The following DCBLD2 variants were observed in gnomAD, a reference collection of about 807,000 sequenced individuals.
DCBLD2 encodes the protein discoidin, CUB and LCCL domain-containing protein 2.
DCBLD2 carries 54 observed loss-of-function variants against 86.8 expected under a neutral mutation model. The ratio of observed to expected loss-of-function variants is 0.62; its 90% CI spans 0.50 to 0.78. The LOEUF is 0.78. Ranked by LOEUF, DCBLD2 falls within the 30% of genes least tolerant of loss-of-function variation. The pLI is 0.00. For synonymous variants in DCBLD2, 354 were observed against 341.3 expected, an observed-to-expected ratio of 1.04 and a Z score of -0.41; for missense variants, 908 against 954.2, an observed-to-expected ratio of 0.95 and a Z score of 0.64.
chr3:98,875,638 A>C (rs950625356), intron 2 of DCBLD2, among the ~76,000 whole-genome samples: 1 of 152,226 alleles, frequency 6.6e-6, no homozygotes, highest in African/African-American at 2.4e-5. Flanking sequence ...AAGCCCTATC[A>C]GGCATTAACA....
At chr3:98,858,481 A>T (rs2107494634) in intron 2 of DCBLD2, among the ~76,000 whole-genome samples, 1 of 152,378 alleles carries the variant, frequency 6.6e-6, no homozygotes, top group Admixed American at 6.5e-5. Context: ...GCACGCTGTC[A>T]CCTCTCATAA....
rs1491493818 is a variant in DCBLD2, at chr3:98,844,032, ATG to A, written c.571+5427_571+5428del. Among the ~76,000 whole-genome samples, 9 of 90,524 alleles carry A rather than the reference ATG, an allele frequency of 9.9e-5. No homozygotes were observed. In the South Asian group the frequency reaches 1.2e-3, roughly 12 times the overall value. 59.4% of individuals were successfully genotyped at this position (90,524 alleles called of 152,430 possible). On this transcript the variant is annotated intron_variant, in intron 3 of 15. Coordinates refer to ENST00000326840, the MANE Select transcript of DCBLD2 (RefSeq NM_080927.4). ...CAGGATCACCACTTTCCAATCATGC[ATG>A]CACACACACACACACACACACACAC...
intron 8 of DCBLD2, 136 bp from the exon 9 acceptor site, chr3:98,818,029 T>C (rs992040191): frequency 9.1e-7 from 1 of 1,101,520 alleles, no homozygotes; most frequent in African/African-American, 1.6e-5. Context: ...CAAGTGCACG[T>C]TTTTGTCATA....
chr3:98,886,820 T>C, intron 1 of DCBLD2, among the ~76,000 whole-genome samples: 1 of 146,490 alleles, frequency 6.8e-6, no homozygotes, highest in South Asian at 2.4e-4. Flanking sequence ...TTTTTTTTTT[T>C]TTTTTACTAC....
intron 9 of DCBLD2, chr3:98,814,679 G>C (rs1017393311): frequency 6.6e-6 from 1 of 152,106 alleles, no homozygotes; most frequent in Non-Finnish European, 1.5e-5. Context: ...ACATGTGCAG[G>C]CTCAGAAAAG....
chr3:98,892,678 T>C (rs1483975481), intron 1 of DCBLD2, among the ~76,000 whole-genome samples: 1 of 152,118 alleles, frequency 6.6e-6, no homozygotes, highest in African/African-American at 2.4e-5. Flanking sequence ...CCTTCCCCTC[T>C]CAATCCTCCC....
chr3:98,839,088 C>A (rs1022179196), intron 3 of DCBLD2, among the ~76,000 whole-genome samples: 1 of 151,554 alleles, frequency 6.6e-6, no homozygotes, highest in African/African-American at 2.4e-5. Context: ...ACCTTACCCC[C>A]AACCCTGTGC....
At chr3:98,825,639 GTATT>G (rs1348211236) in intron 3 of DCBLD2, among the ~76,000 whole-genome samples, 8 of 59,426 alleles carry the variant, frequency 1.3e-4, no homozygotes, top group Admixed American at 6.0e-4. Context: ...ATGTATATGT[GTATT>G]TATATATATA....
At chr3:98,881,421 T>C in intron 2 of DCBLD2, 119 bp downstream of exon 2, 1 of 868,156 alleles carries the variant, frequency 1.2e-6, no homozygotes, top group Non-Finnish European at 1.8e-6. Flanking sequence ...TTTTTACACA[T>C]ATTCAATAAT....
intron 2 of DCBLD2, among the ~76,000 whole-genome samples, chr3:98,878,499 G>A (rs1343020256): frequency 2.0e-5 from 3 of 150,712 alleles, no homozygotes; most frequent in African/African-American, 7.3e-5. Flanking sequence ...GATATAGGGG[G>A]AAAAAAAAAG....
intron 3 of DCBLD2, among the ~76,000 whole-genome samples, chr3:98,839,733 TGGGTG>T (rs1043730656): frequency 3.9e-5 from 6 of 152,124 alleles, no homozygotes; most frequent in African/African-American, 1.2e-4. Flanking sequence ...AGTATACCTC[TGGGTG>T]GGGTGGGGGA....
chr3:98,814,699 G>A (rs1166495274), intron 9 of DCBLD2: 1 of 152,208 alleles, frequency 6.6e-6, no homozygotes, highest in Non-Finnish European at 1.5e-5. Context: ...GGGGTAAAAT[G>A]AATACACCAA....
At chr3:98,816,024 T>A (rs1942016030) in intron 9 of DCBLD2, 1 of 141,698 alleles carries the variant, frequency 7.1e-6, no homozygotes, top group Non-Finnish European at 1.5e-5. Context: ...TCCAAAAACC[T>A]CAAAGAACCC....
chr3:98,862,697 A>G (rs1237032392), intron 2 of DCBLD2, among the ~76,000 whole-genome samples: 2 of 152,214 alleles, frequency 1.3e-5, no homozygotes, highest in East Asian at 3.8e-4. Flanking sequence ...CTCTCAATAA[A>G]TCATGTATTG....
chr3:98,799,624 T>G lies in DCBLD2; in HGVS notation c.2076A>C (p.Ser692=), dbSNP rs768282837. The G allele has an allele frequency of 6.2e-7, 1 of 1,613,982 alleles. No homozygotes were observed. The highest frequency in any genetic ancestry group is 8.5e-7 in the Non-Finnish European group (1 of 1,179,876). ...IMDMSGHPTT[S]VGQPSTSTFK... Reference sequence around the variant, plus strand: ...AAGTGGATGTGGAGGGCTGACCAACTGAAGTTGTGGGGTGCCCTGACATGT... The same window carrying G: ...AAGTGGATGTGGAGGGCTGACCAACGGAAGTTGTGGGGTGCCCTGACATGT... Residue 692 remains serine, a synonymous_variant, in exon 16 of 16, where the codon TCA becomes TCC. Transcript: ENST00000326840.
intron 2 of DCBLD2, among the ~76,000 whole-genome samples, chr3:98,877,321 A>C (rs999975942): frequency 6.6e-6 from 1 of 152,196 alleles, no homozygotes; most frequent in African/African-American, 2.4e-5. Flanking sequence ...TGTAGTATTT[A>C]GACTCTAAGT....
chr3:98,857,188 C>T (rs139941699), intron 2 of DCBLD2, among the ~76,000 whole-genome samples: 251 of 152,102 alleles, frequency 1.7e-3, no homozygotes, highest in Admixed American at 6.5e-3. Context: ...TGGAGTTGTT[C>T]ATTCCTCCTG....
At chr3:98,850,522 A>G (rs1942816742) in intron 2 of DCBLD2, among the ~76,000 whole-genome samples, 1 of 152,226 alleles carries the variant, frequency 6.6e-6, no homozygotes. Context: ...CTAAGATAAA[A>G]AGAAAGAAGA....
chr3:98,859,884 G>C (rs563579088), intron 2 of DCBLD2, among the ~76,000 whole-genome samples: 1 of 152,354 alleles, frequency 6.6e-6, no homozygotes, highest in South Asian at 2.1e-4. Flanking sequence ...GAATGACTTT[G>C]ACGAGTTGAG....
Sources: gnomAD v4.1 joint callset for allele counts (sites outside exome capture counted in the v4.1 genomes callset) on GRCh38, gnomAD v4.1.1 for gene constraint, MANE v1.5 for transcripts, NCBI Gene and HGNC (gene_info 2026-07-23, HGNC 2026-07-21) for gene names.